The following COL17A1 variants were observed in gnomAD, a reference collection of about 807,000 sequenced individuals.
COL17A1 encodes collagen alpha-1(XVII) chain.
In COL17A1, 181 loss-of-function variants were observed where a neutral mutation model predicts 218.4. The ratio of observed to expected loss-of-function variants is 0.83; its 90% confidence interval spans 0.73 to 0.94. The LOEUF (loss-of-function observed/expected upper bound fraction) is 0.94, where lower values mean the gene tolerates loss of function less well. COL17A1 is among the 40% of genes least tolerant of loss of function. COL17A1 has a pLI of 0.00. For missense variants in COL17A1, 1,924 were observed against 1,945.9 expected, an observed-to-expected ratio of 0.99 and a Z score of 0.21; for synonymous variants, 721 against 731.0, an observed-to-expected ratio of 0.99 and a Z score of 0.22.
chr10:104,062,229 C>T (rs766454380), intron 12 of COL17A1, 29 bp downstream of exon 12: 63 of 1,614,070 alleles, frequency 3.9e-5, no homozygotes, highest in Non-Finnish European at 5.0e-5. Context: ...CACTTTCCAG[C>T]GCCTAAGCTC....
rs114467236 is a variant in COL17A1 at position 104,073,699 on chromosome 10, T to C, written c.380-454A>G. ...TCCTGGCATCAATTCATATGCACAG[T>C]GAGATTCCAAGAACATGGAACAAAA... On this transcript the variant is annotated intron_variant, in intron 6 of 55. Transcript: ENST00000648076. Among the ~76,000 whole-genome samples, 965 of 152,206 alleles carry C rather than the reference T, an allele frequency of 6.3e-3. 11 individuals are homozygous for C. The highest frequency in any genetic ancestry group is 0.023 in the African/African-American group (940 of 41,538).
intron 13 of COL17A1, among the ~76,000 whole-genome samples, chr10:104,060,487 G>A (rs147672576): frequency 4.6e-4 from 70 of 152,252 alleles, no homozygotes; most frequent in African/African-American, 1.6e-3. Flanking sequence ...GCTGGGCCTG[G>A]CCACCAAGAG....
At chr10:104,036,049 A>AGT (rs796509609) in intron 48 of COL17A1, among the ~76,000 whole-genome samples, 13 of 31,666 alleles carry the variant, frequency 4.1e-4, no homozygotes, top group African/African-American at 1.5e-3. Flanking sequence ...TGTGTATAGG[A>AGT]GTGTGTGTAT....
intron 18 of COL17A1, 66 bp from the exon 19 acceptor site, chr10:104,055,467 C>CACACACACACAT: frequency 6.7e-7 from 1 of 1,489,088 alleles, no homozygotes; most frequent in Non-Finnish European, 9.4e-7. Context: ...CACACACACA[C>CACACACACACAT]ACACACACAC....
At chr10:104,081,908 A>G (rs1240380498) in intron 1 of COL17A1, among the ~76,000 whole-genome samples, 1 of 152,232 alleles carries the variant, frequency 6.6e-6, no homozygotes, top group East Asian at 1.9e-4. Flanking sequence ...GTGCAGTTGT[A>G]AAATAGAATT....
chr10:104,049,370 A>T, intron 29 of COL17A1, 39 bp downstream of exon 29: 1 of 1,600,266 alleles, frequency 6.2e-7, no homozygotes, highest in Non-Finnish European at 8.6e-7. Flanking sequence ...GACCCCTCAG[A>T]TGGGGAACTC....
At chr10:104,045,688 C>T in intron 33 of COL17A1, 70 bp downstream of exon 33, 3 of 1,298,704 alleles carry the variant, frequency 2.3e-6, no homozygotes, top group South Asian at 1.2e-5. Context: ...GAGGCCTCCT[C>T]CTGTCCATCC....
At chr10:104,052,061 C>T (rs1024258914) in intron 24 of COL17A1, 94 bp downstream of exon 24, 7 of 1,551,264 alleles carry the variant, frequency 4.5e-6, no homozygotes, top group Non-Finnish European at 6.2e-6. Context: ...GGGGTTAGGG[C>T]TGTCTGGGGT....
intron 11 of COL17A1, chr10:104,063,504 C>G (rs2086600426): frequency 1.8e-6 from 1 of 566,806 alleles, no homozygotes; most frequent in South Asian, 1.9e-5. Flanking sequence ...TCCAACTCTT[C>G]CAGAAAATAA....
chr10:104,079,846 G>T (rs896727818), intron 2 of COL17A1, among the ~76,000 whole-genome samples: 6 of 150,392 alleles, frequency 4.0e-5, no homozygotes, highest in Non-Finnish European at 8.8e-5. Flanking sequence ...AGAATGGCTT[G>T]AACCTGGGAG....
At chr10:104,041,629 G>GTGA in intron 36 of COL17A1, 91 bp from the exon 37 acceptor site, 3 of 1,086,384 alleles carry the variant, frequency 2.8e-6, no homozygotes, top group Non-Finnish European at 4.2e-6. Flanking sequence ...TGCAGTTCCA[G>GTGA]GCACTCCAGG....
At chr10:104,056,482 TGAGGCA>T (rs1271200828) in intron 17 of COL17A1, among the ~76,000 whole-genome samples, 1 of 151,816 alleles carries the variant, frequency 6.6e-6, no homozygotes, top group Non-Finnish European at 1.5e-5. Context: ...CTCAGGAGGC[TGAGGCA>T]GGAGAATCGC....
chr10:104,082,223 G>GC (rs1361717480), intron 1 of COL17A1, among the ~76,000 whole-genome samples: 2 of 152,224 alleles, frequency 1.3e-5, no homozygotes, highest in South Asian at 4.1e-4. Context: ...GTTTCCTGGA[G>GC]CCCAGAGGAG....
chr10:104,040,369 C>G lies in COL17A1; in HGVS notation c.2743G>C (p.Gly915Arg). Residue 915 changes from glycine to arginine, a missense_variant, in exon 40 of 56, where the codon GGT becomes CGT. Transcript: ENST00000648076. The stretch of plus-strand genomic sequence containing the variant: ...TTCTCACCTTGGTCTCCCTTGGGAC[C>G]TGGGGGGCCAGGTGGGCCTGGGGGG... ...SGPPGPPGPP[G>R]PKGDQGPPGP... The G allele has an allele frequency of 6.2e-7, 1 of 1,611,490 alleles. No individual in the cohort carries two copies.
intron 15 of COL17A1, 164 bp downstream of exon 15, chr10:104,059,473 CA>C: frequency 1.5e-6 from 1 of 688,612 alleles, no homozygotes; most frequent in Non-Finnish European, 2.7e-6. Context: ...TCTGACTCAG[CA>C]GATCTGAGCT....
At chr10:104,043,256 T>A (rs1165093760) in intron 35 of COL17A1, among the ~76,000 whole-genome samples, 1 of 152,164 alleles carries the variant, frequency 6.6e-6, no homozygotes, top group Non-Finnish European at 1.5e-5. Flanking sequence ...ATTTACCCAC[T>A]CCAAGCCTCA....
At position 104,034,335 on chromosome 10, in the gene COL17A1, C is replaced by A; in HGVS notation, c.3767-1G>T. On this transcript the variant is annotated splice_acceptor_variant, in intron 51 of 55. Transcript: ENST00000648076. LOFTEE classifies it high-confidence loss of function. ...ACAATGAAGCTGCGCACATCAGGAC[C>A]TGCAGGGTGAGAAGCTGCATGAGTG... 6.4e-7 allele frequency: 1 copy of A among 1,551,114 alleles called. No homozygotes were observed. The highest frequency in any genetic ancestry group is 8.7e-7 in the Non-Finnish European group (1 of 1,155,000).
At position 104,042,469 on chromosome 10, in the gene COL17A1, T is replaced by G. The variant is rs751987081; in HGVS notation, c.2516-14A>C. 24 of 1,614,014 alleles carry G rather than the reference T, an allele frequency of 1.5e-5. 1 individual carries two copies. The South Asian group carries it at 2.6e-4, about 18-fold the overall frequency. ...GGCCGGCAGGGCCTGGAAACGGGGTTGAGGAAGAAAAGGCTAAATCATGCA... is the reference window on the plus strand; with the variant it reads ...GGCCGGCAGGGCCTGGAAACGGGGTGGAGGAAGAAAAGGCTAAATCATGCA... On this transcript the variant is annotated splice_polypyrimidine_tract_variant and intron_variant, in intron 35 of 55. Transcript: ENST00000648076.
chr10:104,082,018 C>T (rs1182215970), intron 1 of COL17A1, among the ~76,000 whole-genome samples: 1 of 152,168 alleles, frequency 6.6e-6, no homozygotes, highest in East Asian at 1.9e-4. Context: ...CTGATGGAAA[C>T]CAAGACCAAA....
Sources: allele counts gnomAD v4.1 joint callset (sites outside exome capture counted in the v4.1 genomes callset), GRCh38; gene constraint gnomAD v4.1.1; transcripts MANE v1.5; gene names NCBI Gene and HGNC (gene_info 2026-07-23, HGNC 2026-07-21).